Variants in ROBO2 observed in about 807,000 individuals in gnomAD.
The protein encoded by ROBO2 is roundabout guidance receptor 2.
ROBO2 carries 53 observed loss-of-function variants against 160.8 expected under a neutral mutation model. The observed-to-expected ratio is 0.33, with a 90% confidence interval of 0.26 to 0.41. The LOEUF is 0.41. Among genes scored for constraint, ROBO2 ranks in the 10% least tolerant of loss-of-function variants. ROBO2 has a pLI of 1.00. For synonymous variants in ROBO2, 664 were observed against 611.7 expected (o/e 1.09, Z -1.26); for missense variants, 1,577 against 1,722.4 (o/e 0.92, Z 1.49).
At chr3:77,570,119 G>A (rs576807778) in intron 13 of ROBO2, among the ~76,000 whole-genome samples, 30 of 151,980 alleles carry the variant, frequency 2.0e-4, no homozygotes, top group South Asian at 8.3e-4. Flanking sequence ...TTTTCACAGC[G>A]TAGTAGTTTT....
At chr3:77,488,010 A>G (rs1217842182) in intron 4 of ROBO2, among the ~76,000 whole-genome samples, 2 of 152,144 alleles carry the variant, frequency 1.3e-5, no homozygotes, top group East Asian at 1.9e-4. Flanking sequence ...ATGCAACCAC[A>G]TTTCAGATTT....
intron 1 of ROBO2, among the ~76,000 whole-genome samples, chr3:77,072,207 C>T (rs1000831970): frequency 6.6e-6 from 1 of 152,076 alleles, no homozygotes; most frequent in African/African-American, 2.4e-5. Flanking sequence ...TCACTGTCTC[C>T]CATCCCCCCA....
At chr3:76,783,282 A>C (rs959727322) in intron 2 of ROBO2, among the ~76,000 whole-genome samples, 1 of 150,950 alleles carries the variant, frequency 6.6e-6, no homozygotes, top group African/African-American at 2.4e-5. Flanking sequence ...CTTTCATAGT[A>C]GAGTTAAAAG....
At chr3:75,961,446 G>T (rs747195315) in intron 2 of ROBO2, among the ~76,000 whole-genome samples, 2 of 151,438 alleles carry the variant, frequency 1.3e-5, no homozygotes, top group Non-Finnish European at 3.0e-5. Context: ...AATTGAGTCC[G>T]GTTTCTTCTA....
chr3:76,630,609 A>T (rs2089972550), intron 2 of ROBO2, among the ~76,000 whole-genome samples: 1 of 152,134 alleles, frequency 6.6e-6, no homozygotes, highest in Non-Finnish European at 1.5e-5. Flanking sequence ...GAACCTATGG[A>T]TGATGTTAGG....
At chr3:77,250,912 A>G (rs1488256034) in intron 2 of ROBO2, among the ~76,000 whole-genome samples, 1 of 152,124 alleles carries the variant, frequency 6.6e-6, no homozygotes, top group Admixed American at 6.5e-5. Context: ...GAAAGATCCT[A>G]CTTCCCAACA....
intron 2 of ROBO2, among the ~76,000 whole-genome samples, chr3:76,799,753 T>C (rs1039418436): frequency 2.0e-5 from 3 of 152,210 alleles, no homozygotes; most frequent in Non-Finnish European, 4.4e-5. Context: ...TTCATATCCA[T>C]AGATTGGAAA....
chr3:76,535,530 GA>G (rs2082448257), intron 2 of ROBO2, among the ~76,000 whole-genome samples: 2 of 152,076 alleles, frequency 1.3e-5, no homozygotes, highest in South Asian at 2.1e-4. Flanking sequence ...GGATGAAAAA[GA>G]GGCCTTGAAT....
intron 2 of ROBO2, among the ~76,000 whole-genome samples, chr3:76,307,776 G>A (rs2071395917): frequency 6.6e-6 from 1 of 152,042 alleles, no homozygotes; most frequent in Non-Finnish European, 1.5e-5. Flanking sequence ...AATATGTAGA[G>A]TATGAATAAT....
At position 77,607,778 on chromosome 3, in the gene ROBO2, A is replaced by G. The variant is rs760720685; in HGVS notation, c.3137-20A>G. 6.2e-7 allele frequency: 1 copy of G among 1,610,970 alleles called. No individual in the cohort carries two copies. The highest frequency in any genetic ancestry group is 8.5e-7 in the Non-Finnish European group (1 of 1,177,192). On this transcript the variant is annotated intron_variant, in intron 20 of 25. Transcript: ENST00000461745. ...ATTCTGCTATTTGGCATCTCTGAAT[A>G]AATACGTTATTACTTTCAGGTGGGA...
intron 2 of ROBO2, among the ~76,000 whole-genome samples, chr3:76,503,032 A>G (rs1337593203): frequency 6.6e-6 from 1 of 151,318 alleles, no homozygotes; most frequent in Non-Finnish European, 1.5e-5. Context: ...GCGCGCACGC[A>G]TGTGTGTGTG....
intron 1 of ROBO2, among the ~76,000 whole-genome samples, chr3:75,930,769 G>A (rs1020244409): frequency 6.6e-6 from 1 of 152,082 alleles, no homozygotes; most frequent in Non-Finnish European, 1.5e-5. Flanking sequence ...ACAATATCCA[G>A]TTCAACATTC....
intron 2 of ROBO2, among the ~76,000 whole-genome samples, chr3:76,074,479 A>G (rs913831587): frequency 6.6e-6 from 1 of 152,226 alleles, no homozygotes; most frequent in African/African-American, 2.4e-5. Flanking sequence ...GTGTAATCAG[A>G]TTAGAATTTC....
In ROBO2 at chr3:77,087,879, T is replaced by C. The variant is rs145889735; in HGVS notation, c.62-10135T>C. ...ACACATATATAAAGACACACACACA[T>C]ACATAAGAATATATATATTTCTATT... On this transcript the variant is annotated intron_variant, in intron 1 of 25. Transcript: ENST00000461745. Among the ~76,000 whole-genome samples, 333 of 152,076 alleles carry C rather than the reference T, an allele frequency of 2.2e-3. 1 individual carries two copies. The highest frequency in any genetic ancestry group is 7.4e-3 in the African/African-American group (306 of 41,472).
At chr3:76,858,527 G>A (rs1391381526) in intron 2 of ROBO2, among the ~76,000 whole-genome samples, 3 of 152,178 alleles carry the variant, frequency 2.0e-5, no homozygotes, top group East Asian at 3.9e-4. Flanking sequence ...GCTTCTTAAA[G>A]TCCTAGGATT....
chr3:77,474,129 C>CA (rs1164541787), intron 2 of ROBO2, among the ~76,000 whole-genome samples: 2 of 152,298 alleles, frequency 1.3e-5, no homozygotes, highest in East Asian at 3.9e-4. Flanking sequence ...AAACTTTCGT[C>CA]AAAAACCATC....
intron 2 of ROBO2, among the ~76,000 whole-genome samples, chr3:77,456,443 G>A (rs894567862): frequency 2.6e-5 from 4 of 152,162 alleles, no homozygotes; most frequent in Non-Finnish European, 5.9e-5. Flanking sequence ...ACTTAATGAT[G>A]TTTTAATAAA....
At chr3:77,556,600 GGA>G (rs1317166553) in intron 8 of ROBO2, among the ~76,000 whole-genome samples, 1 of 151,752 alleles carries the variant, frequency 6.6e-6, no homozygotes, top group East Asian at 1.9e-4. Context: ...CAAGTAAATT[GGA>G]AAGATAGTAA....
chr3:76,795,056 C>A (rs1268025446), intron 2 of ROBO2, among the ~76,000 whole-genome samples: 1 of 152,002 alleles, frequency 6.6e-6, no homozygotes, highest in Non-Finnish European at 1.5e-5. Context: ...TTTATATATA[C>A]TGTAGACAAT....
Sources: allele counts gnomAD v4.1 joint callset (sites outside exome capture counted in the v4.1 genomes callset), GRCh38; gene constraint gnomAD v4.1.1; transcripts MANE v1.5; gene names NCBI Gene and HGNC (gene_info 2026-07-23, HGNC 2026-07-21).